Variants in TMEM263 observed in about 807,000 individuals in gnomAD.
TMEM263 encodes transmembrane protein 263, also known as UPF0444 transmembrane protein C12orf23.
Under a neutral mutation model 8.6 loss-of-function variants are expected in TMEM263, and 5 were observed. The observed-to-expected ratio is 0.58, with a 90% CI of 0.31 to 1.23. The LOEUF is 1.23. Ranked by LOEUF, TMEM263 falls within the 50% of genes most tolerant of loss-of-function variation. The pLI, the probability that TMEM263 is intolerant of heterozygous loss-of-function variation, is 0.07. For synonymous variants in TMEM263, 50 were observed against 47.9 expected, an observed-to-expected ratio of 1.04 and a Z score of -0.18; for missense variants, 104 against 138.8, an observed-to-expected ratio of 0.75 and a Z score of 1.26.
intron 2 of TMEM263, among the ~76,000 whole-genome samples, chr12:106,962,254 G>A (rs534794761): frequency 2.2e-4 from 32 of 143,166 alleles, no homozygotes; most frequent in African/African-American, 7.7e-4. Context: ...TTAATACTTC[G>A]GCATACTTTC....
rs1951937189 is a variant in TMEM263, at chr12:106,972,575, A to G, written c.*1184A>G. 6.6e-6 allele frequency: 1 copy of G among 152,128 alleles called. No individual in the cohort carries two copies. The highest frequency in any genetic ancestry group is 2.4e-5 in the African/African-American group (1 of 41,460). 9.4% of individuals were successfully genotyped at this position (152,128 alleles called of 1,614,324 possible). ...TATCTTACAGTCCTTTAAAGCAGCCATAGAGTTTGTATCATTTTTCAAGCC... is the reference window on the plus strand; with the variant it reads ...TATCTTACAGTCCTTTAAAGCAGCCGTAGAGTTTGTATCATTTTTCAAGCC... On this transcript the variant is annotated 3_prime_UTR_variant, in exon 4 of 4. Transcript: ENST00000280756.
intron 2 of TMEM263, among the ~76,000 whole-genome samples, chr12:106,962,424 CTT>C (rs1221696014): frequency 6.6e-6 from 1 of 152,184 alleles, no homozygotes; most frequent in Non-Finnish European, 1.5e-5. Flanking sequence ...AAATTCCTCT[CTT>C]GCGTTCCATG....
chr12:106,964,403 T>C (rs1255990067), intron 2 of TMEM263, among the ~76,000 whole-genome samples: 1 of 152,224 alleles, frequency 6.6e-6, no homozygotes, highest in Non-Finnish European at 1.5e-5. Flanking sequence ...CCTGTATAAT[T>C]TGTTATGATC....
rs1951684896 is a variant in TMEM263, at chr12:106,956,081, T to G, written c.-75+16T>G. ...GACCCCGGCGGTGAGTGAGTCGGGA[T>G]GCGAGGGCAGGGGCGCAGTCCCGGC... On this transcript the variant is annotated intron_variant, in intron 1 of 3. Transcript: ENST00000280756. 1 of 980,278 alleles carries G rather than the reference T, an allele frequency of 1.0e-6. No individual in the cohort carries two copies. The allele number at this position is 980,278 out of a possible 1,614,324, so 60.7% of individuals were successfully genotyped here.
chr12:106,967,708 T>C (rs1394718054), intron 3 of TMEM263, among the ~76,000 whole-genome samples: 1 of 152,222 alleles, frequency 6.6e-6, no homozygotes, highest in Non-Finnish European at 1.5e-5. Context: ...AGGCATAATA[T>C]TTTGCTGTCA....
At chr12:106,969,792 G>T (rs922444752) in intron 3 of TMEM263, among the ~76,000 whole-genome samples, 1 of 151,004 alleles carries the variant, frequency 6.6e-6, no homozygotes, top group Non-Finnish European at 1.5e-5. Context: ...TTCATTTTAA[G>T]CTAGTGCAAA....
intron 3 of TMEM263, among the ~76,000 whole-genome samples, chr12:106,970,677 T>G (rs892973726): frequency 2.0e-5 from 3 of 152,228 alleles, no homozygotes; most frequent in Admixed American, 6.5e-5. Flanking sequence ...CCTTGAAAAC[T>G]ACTGCATTTT....
intron 2 of TMEM263, among the ~76,000 whole-genome samples, chr12:106,958,980 A>G (rs1951734397): frequency 6.6e-6 from 1 of 152,230 alleles, no homozygotes; most frequent in African/African-American, 2.4e-5. Flanking sequence ...TGTTTCTTGA[A>G]TATATAATTT....
Position 106,971,423 on chromosome 12 carries a change from T to C in TMEM263, c.*32T>C, listed in dbSNP as rs746591689. ...GAGATACACTTGCGCTCCACAGCAC[T>C]GTAATGCCAGTGGCATTGAATTGCT... On this transcript the variant is annotated 3_prime_UTR_variant, in exon 4 of 4. Coordinates refer to ENST00000280756, the MANE Select transcript of TMEM263 (RefSeq NM_152261.4). 3 of 1,539,592 alleles carry C rather than the reference T, an allele frequency of 1.9e-6. No homozygotes were observed. The highest frequency in any genetic ancestry group is 2.6e-6 in the Non-Finnish European group (3 of 1,143,818).
At chr12:106,963,346 A>G (rs1951803354) in intron 2 of TMEM263, among the ~76,000 whole-genome samples, 1 of 152,234 alleles carries the variant, frequency 6.6e-6, no homozygotes, top group Admixed American at 6.5e-5. Context: ...GCAGTAGTAC[A>G]AGTAAGAGAT....
intron 2 of TMEM263, among the ~76,000 whole-genome samples, chr12:106,958,036 CT>C (rs1951723886): frequency 1.3e-5 from 2 of 152,116 alleles, no homozygotes; most frequent in South Asian, 4.1e-4. Flanking sequence ...GGCAAAAAAG[CT>C]AAAACATGGG....
At chr12:106,957,584 G>A (rs367980966) in intron 2 of TMEM263, among the ~76,000 whole-genome samples, 12 of 152,186 alleles carry the variant, frequency 7.9e-5, no homozygotes, top group Non-Finnish European at 1.8e-4. Flanking sequence ...ACCTTTGTAT[G>A]CTTGTTCACA....
chr12:106,959,950 A>G (rs555367658), intron 2 of TMEM263, among the ~76,000 whole-genome samples: 184 of 152,316 alleles, frequency 1.2e-3, no homozygotes, highest in Admixed American at 3.1e-3. Flanking sequence ...AATAATTTTT[A>G]TTACTCTAAG....
At position 106,972,602 on chromosome 12, in the gene TMEM263, A is replaced by G. The variant is rs758638480; in HGVS notation, c.*1211A>G. 2.6e-5 allele frequency: 4 copies of G among 152,094 alleles called. No individual in the cohort carries two copies. The highest frequency in any genetic ancestry group is 3.9e-4 in the East Asian group (2 of 5,190). 9.4% of individuals were successfully genotyped at this position (152,094 alleles called of 1,614,324 possible). On this transcript the variant is annotated 3_prime_UTR_variant, in exon 4 of 4. Transcript: ENST00000280756. ...AGAGTTTGTATCATTTTTCAAGCCAATTTCAGTCAGGGATTTGAATTGTTT... is the reference window on the plus strand; with the variant it reads ...AGAGTTTGTATCATTTTTCAAGCCAGTTTCAGTCAGGGATTTGAATTGTTT...
chr12:106,961,224 A>ATTTTT (rs554707654), intron 2 of TMEM263, among the ~76,000 whole-genome samples: 4 of 75,128 alleles, frequency 5.3e-5, no homozygotes, highest in African/African-American at 1.2e-4. Context: ...TGCCCAGTCA[A>ATTTTT]TTTTTTTTTT....
At chr12:106,960,130 G>T (rs962879185) in intron 2 of TMEM263, among the ~76,000 whole-genome samples, 4 of 152,048 alleles carry the variant, frequency 2.6e-5, no homozygotes, top group African/African-American at 9.7e-5. Flanking sequence ...TGCCTCCTGG[G>T]TTCAAGCAAT....
Position 106,971,463 on chromosome 12 carries a change from A to C in TMEM263, c.*72A>C. The C allele has an allele frequency of 7.0e-7, 1 of 1,433,376 alleles. No homozygotes were observed. The highest frequency in any genetic ancestry group is 1.4e-5 in the South Asian group (1 of 71,282). 88.8% of individuals were successfully genotyped at this position (1,433,376 alleles called of 1,614,324 possible). ...ATTGAATTGCTAAATTATGGACTAC[A>C]ACCAAGTCAACTGTTTTGGACGTTT... On this transcript the variant is annotated 3_prime_UTR_variant, in exon 4 of 4. Coordinates refer to ENST00000280756, the MANE Select transcript of TMEM263 (RefSeq NM_152261.4).
intron 2 of TMEM263, among the ~76,000 whole-genome samples, chr12:106,960,379 C>T (rs961116652): frequency 2.6e-5 from 4 of 151,556 alleles, no homozygotes; most frequent in African/African-American, 9.7e-5. Context: ...ATCTTTGTGG[C>T]ACTTAGGACT....
At chr12:106,959,590 G>C (rs778652497) in intron 2 of TMEM263, among the ~76,000 whole-genome samples, 1 of 152,144 alleles carries the variant, frequency 6.6e-6, no homozygotes, top group Non-Finnish European at 1.5e-5. Context: ...TTTATTAGTA[G>C]ATTATTTACC....
Sources: gnomAD v4.1 joint callset for allele counts (sites outside exome capture counted in the v4.1 genomes callset) on GRCh38, gnomAD v4.1.1 for gene constraint, MANE v1.5 for transcripts, NCBI Gene and HGNC (gene_info 2026-07-23, HGNC 2026-07-21) for gene names.